The following PDE4C variants were observed in gnomAD, a reference collection of about 807,000 sequenced individuals.
PDE4C encodes the protein 3',5'-cyclic-AMP phosphodiesterase 4C.
In PDE4C, 50 loss-of-function variants were observed where a neutral mutation model predicts 63.9. That is an observed-to-expected ratio of 0.78 (90% CI 0.62 to 0.99). The LOEUF is 0.99. Ranked by LOEUF, PDE4C falls within the 50% of genes least tolerant of loss-of-function variation. PDE4C has a pLI of 0.00. For synonymous variants in PDE4C, 377 were observed against 385.1 expected (o/e 0.98, Z 0.25); for missense variants, 777 against 899.1 (o/e 0.86, Z 1.74).
rs754073224 is a variant in PDE4C at position 18,220,379 on chromosome 19, G to C, written c.612+24C>G. 2.5e-6 allele frequency: 4 copies of C among 1,611,658 alleles called. No individual in the cohort carries two copies. In the South Asian group the frequency reaches 4.4e-5, roughly 18 times the overall value. Reference sequence around the variant, plus strand: ...GGGCACCGTGGGCCGAGGCAGGTGAGCTCAGCGATCTGCCCCACCTCACCT... The same window carrying C: ...GGGCACCGTGGGCCGAGGCAGGTGACCTCAGCGATCTGCCCCACCTCACCT... On this transcript the variant is annotated intron_variant, in intron 6 of 14. Transcript: ENST00000262805. The surrounding 1 kb of genome is among the most constrained non-coding windows in gnomAD (Gnocchi z 5.1).
upstream of PDE4C, among the ~76,000 whole-genome samples, chr19:18,230,305 A>G (rs780439650): frequency 2.6e-5 from 4 of 152,172 alleles, no homozygotes; most frequent in Admixed American, 1.3e-4. Flanking sequence ...CAAGAGTTTG[A>G]GACCAGTCTG....
chr19:18,233,596 G>A (rs1232607135), exon 1 of PDE4C: 2 of 473,674 alleles, frequency 4.2e-6, no homozygotes, highest in Non-Finnish European at 8.3e-6. Context: ...GGAGGGCAGG[G>A]AGACAGGGTC....
upstream of PDE4C, among the ~76,000 whole-genome samples, chr19:18,226,825 C>T (rs1461363225): frequency 3.3e-5 from 5 of 151,914 alleles, no homozygotes; most frequent in South Asian, 2.1e-4. Context: ...AGGCTGATCT[C>T]GAACTCCCAG....
At position 18,225,121 on chromosome 19, in the gene PDE4C, G is replaced by A. The variant is rs567961142; in HGVS notation, c.146+1149C>T. 2.0e-5 allele frequency among the ~76,000 whole-genome samples: 3 copies of A among 152,308 alleles called. No homozygotes were observed. The South Asian group carries it at 6.2e-4, about 32-fold the overall frequency. On this transcript the variant is annotated intron_variant, in intron 1 of 14. Coordinates refer to ENST00000262805, the Ensembl canonical transcript of PDE4C. Reference sequence around the variant, plus strand: ...TTCTGCTCTAAACTTAGCCGGGAGCGGCGGGGTCAGGCTGTGGTTCCATGA... The same window carrying A: ...TTCTGCTCTAAACTTAGCCGGGAGCAGCGGGGTCAGGCTGTGGTTCCATGA...
chr19:18,243,515 A>C (rs991603928), intron 1 of PDE4C, among the ~76,000 whole-genome samples: 3 of 152,150 alleles, frequency 2.0e-5, no homozygotes, highest in Non-Finnish European at 4.4e-5. Flanking sequence ...AATTGGGGGA[A>C]GCACCAGGCT....
intron 1 of PDE4C, among the ~76,000 whole-genome samples, chr19:18,241,255 GTTTTTTTTTTTTTTTTTTTT>G (rs200717537): frequency 1.3e-5 from 1 of 78,494 alleles, no homozygotes; most frequent in Non-Finnish European, 2.4e-5. Context: ...TTCTTCTCTT[GTTTTTTTTTTTTTTTTTTTT>G]TTTTTTTTTG....
intron 1 of PDE4C, among the ~76,000 whole-genome samples, chr19:18,242,135 C>A (rs1044483570): frequency 1.3e-5 from 2 of 152,080 alleles, no homozygotes; most frequent in East Asian, 1.9e-4. Flanking sequence ...GAAGGAACAG[C>A]ACCTGCGAAG....
chr19:18,252,700 C>T (rs920883619), upstream of PDE4C, among the ~76,000 whole-genome samples: 1 of 152,054 alleles, frequency 6.6e-6, no homozygotes, highest in Admixed American at 6.6e-5. Flanking sequence ...TCACTGCAAC[C>T]TCCACCTCCT....
At chr19:18,250,374 T>C (rs1365942403), upstream of PDE4C, 1 of 399,026 alleles carries the variant, frequency 2.5e-6, no homozygotes, top group East Asian at 3.6e-5. Flanking sequence ...CTCACAGCCA[T>C]GACCACAGAC....
chr19:18,211,846 G>A (rs764686080), exon 14 of PDE4C: 3 of 1,614,268 alleles, frequency 1.9e-6, no homozygotes, highest in Non-Finnish European at 2.5e-6. Context: ...CCTGCTGGAA[G>A]AACTCGGCCA....
chr19:18,240,391 G>A (rs896658738), intron 1 of PDE4C, among the ~76,000 whole-genome samples: 18 of 131,110 alleles, frequency 1.4e-4, no homozygotes, highest in African/African-American at 5.3e-4. Context: ...TTGTGCCACT[G>A]CTCTTCAGCC....
Position 18,211,945 on chromosome 19 carries a change from C to T in PDE4C, c.1513-4G>A. The T allele has an allele frequency of 6.2e-7, 1 of 1,612,368 alleles. No homozygotes were observed. Among genetic ancestry groups the T allele is most frequent in the South Asian group, 1.1e-5 (1 of 91,074 alleles). ...AGTGCACCAGGTTCTGCAAGACCTACAGAGATCGAGGCTTGGGAGGGCACT... is the reference window on the plus strand; with the variant it reads ...AGTGCACCAGGTTCTGCAAGACCTATAGAGATCGAGGCTTGGGAGGGCACT... On this transcript the variant is annotated splice_polypyrimidine_tract_variant and splice_region_variant and intron_variant, in intron 13 of 14. Transcript: ENST00000262805.
At chr19:18,219,207 A>G (rs769677118) in intron 8 of PDE4C, 27 bp downstream of exon 8, 8 of 1,613,816 alleles carry the variant, frequency 5.0e-6, no homozygotes, top group Non-Finnish European at 5.9e-6. Flanking sequence ...CCAAACCTTG[A>G]TCTTGGCATT....
At chr19:18,217,118 A>C in intron 11 of PDE4C, 13 of 454,702 alleles carry the variant, frequency 2.9e-5, no homozygotes, top group Admixed American at 3.8e-5. Context: ...AAGGCTCCTC[A>C]TGGACCCCCT....
chr19:18,212,216 C>T (rs886469765), intron 13 of PDE4C, among the ~76,000 whole-genome samples: 4 of 151,390 alleles, frequency 2.6e-5, no homozygotes, highest in Non-Finnish European at 4.4e-5. Flanking sequence ...TAGGGTCTCA[C>T]GCTGTGACCC....
At chr19:18,235,158 C>A (rs550788804), upstream of PDE4C, among the ~76,000 whole-genome samples, 1 of 152,314 alleles carries the variant, frequency 6.6e-6, no homozygotes, top group African/African-American at 2.4e-5. Flanking sequence ...CATCCACCAA[C>A]AACTGGTGTG....
At chr19:18,236,024 G>A (rs1175253668), upstream of PDE4C, among the ~76,000 whole-genome samples, 1 of 151,188 alleles carries the variant, frequency 6.6e-6, no homozygotes, top group Non-Finnish European at 1.5e-5. Flanking sequence ...CTCACTGCAA[G>A]CTCTGCCTCC....
upstream of PDE4C, chr19:18,250,318 C>T (rs929535878): frequency 7.5e-6 from 3 of 399,054 alleles, no homozygotes; most frequent in Non-Finnish European, 1.3e-5. Context: ...TTACCATGGA[C>T]ACCTCGTCCA....
upstream of PDE4C, chr19:18,252,024 C>G (rs892692490): frequency 2.5e-6 from 1 of 398,582 alleles, no homozygotes; most frequent in Non-Finnish European, 4.4e-6. Flanking sequence ...CTGTTACACC[C>G]GCCACCTCCC....
Sources: allele counts gnomAD v4.1 joint callset (sites outside exome capture counted in the v4.1 genomes callset), GRCh38; gene constraint gnomAD v4.1.1; non-coding constraint Gnocchi (gnomAD v3.1); transcripts MANE v1.5; gene names NCBI Gene and HGNC (gene_info 2026-07-23, HGNC 2026-07-21).